Variants in GRID2 observed in about 807,000 individuals in gnomAD.
GRID2 encodes glutamate ionotropic receptor delta type subunit 2.
Under a neutral mutation model 114.8 loss-of-function variants are expected in GRID2, and 33 were observed. The ratio of observed to expected loss-of-function variants is 0.29; its 90% CI spans 0.22 to 0.38. GRID2 has a LOEUF of 0.38. GRID2 is among the 10% of genes least tolerant of loss of function. The probability of loss-of-function intolerance (pLI) is 1.00; values close to 1 mark genes in which losing one functional copy is unlikely to be tolerated. For synonymous variants in GRID2, 505 were observed against 449.9 expected (o/e 1.12, Z -1.55); for missense variants, 1,184 against 1,257.7 (o/e 0.94, Z 0.89).
chr4:93,485,095 T>G, intron 11 of GRID2, among the ~76,000 whole-genome samples: 1 of 151,860 alleles, frequency 6.6e-6, no homozygotes, highest in East Asian at 1.9e-4. Context: ...CTATTGTAAA[T>G]CTTTTTATTT....
intron 2 of GRID2, among the ~76,000 whole-genome samples, chr4:92,853,679 C>G (rs1018497770): frequency 6.6e-6 from 1 of 151,886 alleles, no homozygotes; most frequent in African/African-American, 2.4e-5. Context: ...GAATTTAACT[C>G]TTACCTGTCA....
chr4:92,653,304 T>TACACACAC (rs145150152), intron 2 of GRID2, among the ~76,000 whole-genome samples: 2 of 146,540 alleles, frequency 1.4e-5, no homozygotes, highest in East Asian at 2.1e-4. Context: ...TGGCCAAAAT[T>TACACACAC]ACACACACAC....
chr4:92,390,976 C>T (rs1730213012), intron 1 of GRID2, among the ~76,000 whole-genome samples: 1 of 152,022 alleles, frequency 6.6e-6, no homozygotes, highest in Admixed American at 6.6e-5. Context: ...GAAATCAAAC[C>T]AGAGATTATT....
intron 8 of GRID2, among the ~76,000 whole-genome samples, chr4:93,314,413 A>G (rs1018784840): frequency 6.6e-6 from 1 of 151,824 alleles, no homozygotes; most frequent in Admixed American, 6.6e-5. Context: ...TCCCTTTCAC[A>G]ATGAATTTCC....
chr4:93,733,048 A>G (rs745655900), intron 14 of GRID2, among the ~76,000 whole-genome samples: 4 of 152,172 alleles, frequency 2.6e-5, no homozygotes, highest in Non-Finnish European at 5.9e-5. Flanking sequence ...TGTTTTTACA[A>G]CTGAAGTCAA....
chr4:93,005,520 C>T (rs1721423440), intron 2 of GRID2, among the ~76,000 whole-genome samples: 2 of 152,048 alleles, frequency 1.3e-5, no homozygotes, highest in Non-Finnish European at 2.9e-5. Context: ...CCTCGGAACT[C>T]TCAAATAACT....
chr4:92,359,214 T>G (rs1257321805), intron 1 of GRID2, among the ~76,000 whole-genome samples: 3 of 151,984 alleles, frequency 2.0e-5, no homozygotes, highest in Non-Finnish European at 4.4e-5. Flanking sequence ...TGTTCTCATG[T>G]GACTTCTATT....
At chr4:92,571,853 A>G (rs1040291563) in intron 1 of GRID2, among the ~76,000 whole-genome samples, 1 of 152,214 alleles carries the variant, frequency 6.6e-6, no homozygotes, top group East Asian at 1.9e-4. Context: ...AAGACATAAC[A>G]TACCAGAATC....
chr4:92,907,696 C>T (rs1204268604), intron 2 of GRID2, among the ~76,000 whole-genome samples: 1 of 152,044 alleles, frequency 6.6e-6, no homozygotes, highest in Admixed American at 6.6e-5. Context: ...AGGCATGAGC[C>T]CCCACACCTG....
intron 13 of GRID2, among the ~76,000 whole-genome samples, chr4:93,622,732 TG>T (rs773182738): frequency 6.6e-6 from 1 of 152,222 alleles, no homozygotes; most frequent in Non-Finnish European, 1.5e-5. Context: ...CACAGTTAAC[TG>T]GACTGAAGGT....
intron 2 of GRID2, among the ~76,000 whole-genome samples, chr4:92,857,362 T>G (rs945930458): frequency 2.0e-5 from 3 of 152,162 alleles, no homozygotes; most frequent in African/African-American, 7.2e-5. Flanking sequence ...GTTGTGAATG[T>G]ACAGGGTGTG....
chr4:93,258,101 A>T (rs1399648589), intron 8 of GRID2, among the ~76,000 whole-genome samples: 8 of 151,108 alleles, frequency 5.3e-5, no homozygotes, highest in African/African-American at 1.9e-4. Flanking sequence ...ACTATAATCA[A>T]TTGCAGACCA....
intron 13 of GRID2, among the ~76,000 whole-genome samples, chr4:93,614,339 C>A (rs1456320685): frequency 6.6e-6 from 1 of 152,140 alleles, no homozygotes; most frequent in East Asian, 1.9e-4. Context: ...CTCCTCCCCC[C>A]TGAAAATTAT....
chr4:93,800,255 G>T (rs749511835), intron 1 of GRID2, among the ~76,000 whole-genome samples: 2 of 152,226 alleles, frequency 1.3e-5, no homozygotes, highest in African/African-American at 2.4e-5. Flanking sequence ...TAAACGAGGA[G>T]ATTCTGTGCA....
At chr4:92,997,755 T>A (rs752565269) in intron 2 of GRID2, among the ~76,000 whole-genome samples, 18 of 152,188 alleles carry the variant, frequency 1.2e-4, no homozygotes, top group Non-Finnish European at 2.1e-4. Flanking sequence ...CTTCAGAGTT[T>A]GAAGTCCTGC....
intron 1 of GRID2, among the ~76,000 whole-genome samples, chr4:92,352,025 T>G (rs1181976350): frequency 6.6e-6 from 1 of 151,842 alleles, no homozygotes; most frequent in Non-Finnish European, 1.5e-5. Context: ...TAACAAGTAG[T>G]GGGATTGCCG....
chr4:92,574,187 T>A (rs1344174097), intron 1 of GRID2, among the ~76,000 whole-genome samples: 1 of 152,086 alleles, frequency 6.6e-6, no homozygotes, highest in Non-Finnish European at 1.5e-5. Flanking sequence ...TATGTGTGTC[T>A]TTGTATGTGA....
intron 2 of GRID2, among the ~76,000 whole-genome samples, chr4:92,727,534 T>C (rs937347191): frequency 2.0e-5 from 3 of 152,114 alleles, no homozygotes; most frequent in Admixed American, 2.0e-4. Flanking sequence ...TATCCTCTAG[T>C]AAGTATGTGT....
At chr4:93,136,834 A>G (rs955997907) in intron 4 of GRID2, among the ~76,000 whole-genome samples, 5 of 152,158 alleles carry the variant, frequency 3.3e-5, no homozygotes, top group East Asian at 3.9e-4. Flanking sequence ...AAAAGGAACA[A>G]TGATCAGTAG....
Sources: allele counts gnomAD v4.1 joint callset (sites outside exome capture counted in the v4.1 genomes callset), GRCh38; gene constraint gnomAD v4.1.1; transcripts MANE v1.5; gene names NCBI Gene and HGNC (gene_info 2026-07-23, HGNC 2026-07-21).